The following PBX1 variants were observed in gnomAD, a reference collection of about 807,000 sequenced individuals.
PBX1 encodes PBX homeobox 1.
In PBX1, 6 loss-of-function variants were observed where a neutral mutation model predicts 53.4. That is an observed-to-expected ratio of 0.11 (90% CI 0.06 to 0.22). PBX1 has a LOEUF of 0.22. Among genes scored for constraint, PBX1 ranks in the 10% least tolerant of loss-of-function variants. The pLI is 1.00. For synonymous variants in PBX1, 204 were observed against 212.3 expected (o/e 0.96, Z 0.34); for missense variants, 251 against 551.4 (o/e 0.46, Z 5.46).
At chr1:164,586,876 C>T (rs554821700) in intron 2 of PBX1, among the ~76,000 whole-genome samples, 6 of 152,108 alleles carry the variant, frequency 3.9e-5, no homozygotes, top group South Asian at 2.1e-4. Flanking sequence ...GACCATTATC[C>T]GCAGAGGGAA....
intron 8 of PBX1, among the ~76,000 whole-genome samples, chr1:164,823,422 C>T (rs1031547891): frequency 2.0e-5 from 3 of 152,016 alleles, no homozygotes; most frequent in African/African-American, 7.2e-5. Flanking sequence ...AAGCTTTGCT[C>T]TGTGCATAAG....
At chr1:164,646,035 G>A (rs1010726771) in intron 2 of PBX1, among the ~76,000 whole-genome samples, 11 of 152,134 alleles carry the variant, frequency 7.2e-5, no homozygotes, top group African/African-American at 2.7e-4. Flanking sequence ...CTGCCCTGGG[G>A]AAAAAATTAT....
chr1:164,620,714 G>C (rs1156444741), intron 2 of PBX1, among the ~76,000 whole-genome samples: 2 of 151,608 alleles, frequency 1.3e-5, no homozygotes, highest in East Asian at 3.9e-4. Context: ...ATGGAGTCTT[G>C]CTCTGTCACC....
At chr1:164,791,715 T>G (rs1198836089) in intron 2 of PBX1, among the ~76,000 whole-genome samples, 1 of 152,212 alleles carries the variant, frequency 6.6e-6, no homozygotes, top group African/African-American at 2.4e-5. Flanking sequence ...TTCCTTAAAT[T>G]GAAATTAGGT....
intron 2 of PBX1, among the ~76,000 whole-genome samples, chr1:164,613,331 A>G (rs1387653178): frequency 6.6e-6 from 1 of 152,122 alleles, no homozygotes; most frequent in East Asian, 1.9e-4. Context: ...TTTTATCCCA[A>G]CTGCCCTGAA....
In PBX1 at chr1:164,811,555, G is replaced by A. The variant is rs570644677; in HGVS notation, c.838-435G>A. ...AAAATTTGCAATTAATCTATCACACGAAAGCACCTATATGGACATTTAAAG... is the reference window on the plus strand; with the variant it reads ...AAAATTTGCAATTAATCTATCACACAAAAGCACCTATATGGACATTTAAAG... On this transcript the variant is annotated intron_variant, in intron 5 of 8. Coordinates refer to ENST00000420696, the MANE Select transcript of PBX1 (RefSeq NM_002585.4). Among the ~76,000 whole-genome samples the A allele has an allele frequency of 5.3e-5, 8 of 152,222 alleles. No individual in the cohort carries two copies. The East Asian group carries it at 1.2e-3, about 22-fold the overall frequency.
chr1:164,833,610 T>C (rs1204346246), intron 8 of PBX1, among the ~76,000 whole-genome samples: 1 of 152,222 alleles, frequency 6.6e-6, no homozygotes, highest in South Asian at 2.1e-4. Flanking sequence ...CTGACACTTA[T>C]CTTTCATTCC....
chr1:164,616,465 T>A (rs966309910), intron 2 of PBX1, among the ~76,000 whole-genome samples: 1 of 152,246 alleles, frequency 6.6e-6, no homozygotes, highest in African/African-American at 2.4e-5. Flanking sequence ...ATCTTGGGTG[T>A]ATCTCCCTTG....
intron 2 of PBX1, among the ~76,000 whole-genome samples, chr1:164,601,320 C>G (rs1158564025): frequency 1.3e-5 from 2 of 150,810 alleles, no homozygotes; most frequent in Non-Finnish European, 2.9e-5. Flanking sequence ...CAATAGCAAC[C>G]ACCTTTAGAG....
Position 164,581,320 on chromosome 1 carries a change from C to T in PBX1, c.265+18009C>T, listed in dbSNP as rs1206627264. Among the ~76,000 whole-genome samples the T allele has an allele frequency of 3.3e-5, 5 of 151,352 alleles. No homozygotes were observed. The East Asian group carries it at 7.8e-4, about 24-fold the overall frequency. ...TCGGCTCACTGCAACCTCCGCCTCT[C>T]GGGTTCAAGTGATTCTTCTGTCTCA... On this transcript the variant is annotated intron_variant, in intron 2 of 8. Coordinates refer to ENST00000420696, the MANE Select transcript of PBX1 (RefSeq NM_002585.4).
intron 2 of PBX1, among the ~76,000 whole-genome samples, chr1:164,733,942 A>T (rs372093729): frequency 6.6e-6 from 1 of 152,170 alleles, no homozygotes. Flanking sequence ...ATGTTCTACT[A>T]ATTTTTTTCT....
At chr1:164,794,622 C>G (rs1668696191) in intron 3 of PBX1, among the ~76,000 whole-genome samples, 1 of 152,208 alleles carries the variant, frequency 6.6e-6, no homozygotes, top group Non-Finnish European at 1.5e-5. Flanking sequence ...GCTGGCTGAA[C>G]TGTGACAGTT....
rs535057386 is a variant in PBX1, at chr1:164,782,558, C to T, written c.266-9936C>T. ...GTCAATAGCTCATTGTATTAGGAAC[C>T]CTGCCTTTGAATTATTCAGCAATTT... is the stretch of plus-strand genomic sequence containing the variant. On this transcript the variant is annotated intron_variant, in intron 2 of 8. Coordinates refer to ENST00000420696, the MANE Select transcript of PBX1 (RefSeq NM_002585.4). Among the ~76,000 whole-genome samples the T allele has an allele frequency of 3.0e-4, 46 of 152,274 alleles. 1 individual carries two copies. Among genetic ancestry groups the T allele is most frequent in the African/African-American group, 1.1e-3 (45 of 41,542 alleles).
At chr1:164,606,090 C>A (rs149459072) in intron 2 of PBX1, among the ~76,000 whole-genome samples, 1 of 152,286 alleles carries the variant, frequency 6.6e-6, no homozygotes, top group East Asian at 1.9e-4. Flanking sequence ...AAGAGCAATT[C>A]TTTTCAGCTT....
intron 2 of PBX1, among the ~76,000 whole-genome samples, chr1:164,774,029 G>T (rs1248984876): frequency 2.0e-5 from 3 of 152,180 alleles, no homozygotes; most frequent in African/African-American, 7.2e-5. Flanking sequence ...AAGGATAGAT[G>T]GCAAGATAGA....
Position 164,785,804 on chromosome 1 carries a change from GCC to G in PBX1, c.266-6688_266-6687del, listed in dbSNP as rs772719975. ...CTCTATGTGGCCCCTTGGCTGCCAG[GCC>G]CTGTCAGCCCTCACAGAGTGCTTCT... On this transcript the variant is annotated intron_variant, in intron 2 of 8. Transcript: ENST00000420696. 1.2e-4 allele frequency among the ~76,000 whole-genome samples: 18 copies of G among 152,308 alleles called. No homozygotes were observed. In the East Asian group the frequency reaches 1.7e-3, roughly 15 times the overall value.
Position 164,559,687 on chromosome 1 carries a change from TTC to T in PBX1, c.-134_-133del, listed in dbSNP as rs1652879644. 2 of 591,908 alleles carry T rather than the reference TTC, an allele frequency of 3.4e-6. No homozygotes were observed. The highest frequency in any genetic ancestry group is 5.6e-5 in the South Asian group (2 of 35,468). The allele number at this position is 591,908 out of a possible 1,614,324, so 36.7% of individuals were successfully genotyped here. On this transcript the variant is annotated 5_prime_UTR_variant, in exon 1 of 9. Coordinates refer to ENST00000420696, the MANE Select transcript of PBX1 (RefSeq NM_002585.4). Reference sequence around the variant, plus strand: ...AAGGGATTTTTTTTTTCTTTTGGTCTTCTTTTTTCCCCCTTCCCTGTTTATCC... The same window carrying T: ...AAGGGATTTTTTTTTTCTTTTGGTCTTTTTTTCCCCCTTCCCTGTTTATCC...
chr1:164,693,752 T>G (rs751905091), intron 2 of PBX1, among the ~76,000 whole-genome samples: 6 of 152,196 alleles, frequency 3.9e-5, no homozygotes, highest in Non-Finnish European at 8.8e-5. Flanking sequence ...CTGAGTATCA[T>G]GTAGCCAATG....
rs1571526868 is a variant in PBX1, at chr1:164,849,605, C to T, written c.*2929C>T. 39 of 703,510 alleles carry T rather than the reference C, an allele frequency of 5.5e-5. No individual in the cohort carries two copies. In the South Asian group the frequency reaches 7.7e-4, roughly 14 times the overall value. The allele number at this position is 703,510 out of a possible 1,614,324, so 43.6% of individuals were successfully genotyped here. ...CCGACAGCGAATTTCCCCTGAGAAA[C>T]GATACTAGACCCTGGGTTTGCCCAC... On this transcript the variant is annotated 3_prime_UTR_variant, in exon 9 of 9. Coordinates refer to ENST00000420696, the MANE Select transcript of PBX1 (RefSeq NM_002585.4).
Sources: gnomAD v4.1 joint callset for allele counts (sites outside exome capture counted in the v4.1 genomes callset) on GRCh38, gnomAD v4.1.1 for gene constraint, MANE v1.5 for transcripts, NCBI Gene and HGNC (gene_info 2026-07-23, HGNC 2026-07-21) for gene names.